Variants in MEI4 observed in about 807,000 individuals in gnomAD.
MEI4 encodes meiosis-specific protein MEI4.
Under a neutral mutation model 31.4 loss-of-function variants are expected in MEI4, and 27 were observed. That is an observed-to-expected ratio of 0.86 (90% CI 0.63 to 1.19). MEI4 has a LOEUF of 1.19. MEI4 is among the 50% of genes most tolerant of loss of function. The pLI is 0.00. For missense variants in MEI4, 329 were observed against 398.9 expected (o/e 0.82, Z 1.49); for synonymous variants, 122 against 145.4 (o/e 0.84, Z 1.16).
rs9448259 is a variant in MEI4 at position 77,923,498 on chromosome 6, A to C, written c.*152A>C. The C allele has an allele frequency of 0.035, 23,684 of 677,204 alleles. 3,166 individuals are homozygous for C. The highest frequency in any genetic ancestry group is 0.33 in the African/African-American group (17,669 of 53,000). 41.9% of individuals were successfully genotyped at this position (677,204 alleles called of 1,614,324 possible). A position where few individuals can be genotyped will look rare whatever the true frequency, so the allele number is the denominator to read the frequency against. The stretch of plus-strand genomic sequence containing the variant: ...CAATTCAACTTAATGGTTAGTCTTA[A>C]ATTGTATGAAATTTTATGAGTCATA... On this transcript the variant is annotated 3_prime_UTR_variant, in exon 5 of 5. Coordinates refer to ENST00000684080, the MANE Select transcript of MEI4 (RefSeq NM_001322247.2).
upstream of MEI4, among the ~76,000 whole-genome samples, chr6:77,651,248 G>C (rs1768293275): frequency 6.6e-6 from 1 of 152,166 alleles, no homozygotes; most frequent in African/African-American, 2.4e-5. Flanking sequence ...GGCTTGTTAA[G>C]AATAAAGGCA....
chr6:77,747,653 A>T (rs1000654678), intron 2 of MEI4, among the ~76,000 whole-genome samples: 5 of 152,162 alleles, frequency 3.3e-5, no homozygotes, highest in Admixed American at 3.3e-4. Context: ...GGGGACACAG[A>T]GCCAAACCAT....
chr6:77,692,739 C>A (rs906896890), intron 2 of MEI4, among the ~76,000 whole-genome samples: 3 of 152,006 alleles, frequency 2.0e-5, no homozygotes, highest in Non-Finnish European at 4.4e-5. Context: ...GTGATACTTT[C>A]AATTCAGATG....
intron 3 of MEI4, among the ~76,000 whole-genome samples, chr6:77,803,823 TC>T (rs2127701888): frequency 6.6e-6 from 1 of 152,224 alleles, no homozygotes; most frequent in South Asian, 2.1e-4. Flanking sequence ...GCCCGATCGT[TC>T]CTATGGAAGT....
chr6:77,841,333 A>ATTTTTTTTTTTTTTTTT (rs1239589008), intron 4 of MEI4, among the ~76,000 whole-genome samples: 1 of 27,748 alleles, frequency 3.6e-5, no homozygotes, highest in East Asian at 2.2e-3. Flanking sequence ...ATATATATAT[A>ATTTTTTTTTTTTTTTTT]TTTTTTTTTT....
intron 4 of MEI4, among the ~76,000 whole-genome samples, chr6:77,916,549 G>A (rs372566540): frequency 1.3e-5 from 2 of 151,986 alleles, no homozygotes; most frequent in South Asian, 2.1e-4. Context: ...AGCAGTATTA[G>A]TATTGTTTCT....
intron 4 of MEI4, among the ~76,000 whole-genome samples, chr6:77,896,559 G>A (rs1766088630): frequency 6.6e-6 from 1 of 152,008 alleles, no homozygotes; most frequent in Non-Finnish European, 1.5e-5. Flanking sequence ...TTAGGGTGTT[G>A]GAGATAGGGA....
At chr6:77,735,873 G>C (rs1767186226) in intron 2 of MEI4, among the ~76,000 whole-genome samples, 1 of 151,980 alleles carries the variant, frequency 6.6e-6, no homozygotes, top group African/African-American at 2.4e-5. Flanking sequence ...TCAGCTGCAG[G>C]TCTGTTGGAG....
intron 4 of MEI4, among the ~76,000 whole-genome samples, chr6:77,908,673 A>C (rs1286897984): frequency 1.3e-5 from 2 of 152,130 alleles, no homozygotes. Context: ...AGCAAATGGA[A>C]AACAAAAAAA....
At chr6:77,736,766 T>G (rs1767249441) in intron 2 of MEI4, among the ~76,000 whole-genome samples, 1 of 152,040 alleles carries the variant, frequency 6.6e-6, no homozygotes, top group Non-Finnish European at 1.5e-5. Flanking sequence ...TAAGATTACA[T>G]CATTAATTGT....
intron 3 of MEI4, among the ~76,000 whole-genome samples, chr6:77,784,818 GA>G (rs1174851513): frequency 6.6e-6 from 1 of 152,112 alleles, no homozygotes; most frequent in African/African-American, 2.4e-5. Flanking sequence ...ATAAATGGAA[GA>G]AAAAATATAA....
At chr6:77,739,190 C>G (rs528706522) in intron 2 of MEI4, among the ~76,000 whole-genome samples, 136 of 150,856 alleles carry the variant, frequency 9.0e-4, no homozygotes, top group Non-Finnish European at 1.5e-3. Flanking sequence ...CCTAAGTTTT[C>G]TTCTAGGGTT....
chr6:77,678,756 G>A (rs771012915), intron 1 of MEI4, among the ~76,000 whole-genome samples: 12 of 152,042 alleles, frequency 7.9e-5, no homozygotes, highest in Non-Finnish European at 1.3e-4. Context: ...AGTCTCAGGT[G>A]GGTCCTACAG....
intron 4 of MEI4, among the ~76,000 whole-genome samples, chr6:77,872,236 C>T (rs893399500): frequency 1.3e-5 from 2 of 152,012 alleles, no homozygotes; most frequent in Non-Finnish European, 2.9e-5. Context: ...TCTATCGATG[C>T]CATGTATGTT....
At chr6:77,651,446 TATTC>T (rs1157961487), upstream of MEI4, among the ~76,000 whole-genome samples, 2 of 152,246 alleles carry the variant, frequency 1.3e-5, no homozygotes, top group African/African-American at 4.8e-5. Context: ...AGTTGTTTAA[TATTC>T]ATAAAATGCA....
intron 3 of MEI4, among the ~76,000 whole-genome samples, chr6:77,799,393 G>A (rs1769180623): frequency 6.6e-6 from 1 of 151,888 alleles, no homozygotes; most frequent in South Asian, 2.1e-4. Flanking sequence ...CTGGATATTA[G>A]CCCTTTGTCA....
At chr6:77,913,172 C>CT (rs1766468731) in intron 4 of MEI4, among the ~76,000 whole-genome samples, 1 of 152,018 alleles carries the variant, frequency 6.6e-6, no homozygotes, top group South Asian at 2.1e-4. Flanking sequence ...TTTTGATGCG[C>CT]TGTGTATTTG....
intron 2 of MEI4, among the ~76,000 whole-genome samples, chr6:77,698,153 T>C (rs1303256906): frequency 6.6e-6 from 1 of 152,174 alleles, no homozygotes; most frequent in Non-Finnish European, 1.5e-5. Flanking sequence ...TTTGAGCCCA[T>C]GTGTGTCTCT....
chr6:77,803,696 G>A (rs552102503), intron 3 of MEI4, among the ~76,000 whole-genome samples: 78 of 152,240 alleles, frequency 5.1e-4, no homozygotes, highest in Middle Eastern at 6.8e-3. Flanking sequence ...TGTCATTCAG[G>A]ACCCTCAGCT....
Sources: gnomAD v4.1 joint callset for allele counts (sites outside exome capture counted in the v4.1 genomes callset) on GRCh38, gnomAD v4.1.1 for gene constraint, MANE v1.5 for transcripts, NCBI Gene and HGNC (gene_info 2026-07-23, HGNC 2026-07-21) for gene names.